Variants in MED1 observed in about 807,000 individuals in gnomAD.
MED1 encodes the protein mediator complex subunit 1, also known as mediator of RNA polymerase II transcription subunit 1.
Under a neutral mutation model 121.3 loss-of-function variants are expected in MED1, and 17 were observed. The observed-to-expected ratio is 0.14, with a 90% CI of 0.10 to 0.21. The LOEUF (loss-of-function observed/expected upper bound fraction) is 0.21, where lower values mean the gene tolerates loss of function less well. Ranked by LOEUF, MED1 falls within the 10% of genes least tolerant of loss-of-function variation. The pLI, the probability that MED1 is intolerant of heterozygous loss-of-function variation, is 1.00. For missense variants in MED1, 1,558 were observed against 1,919.4 expected, an observed-to-expected ratio of 0.81 and a Z score of 3.52; for synonymous variants, 661 against 694.4, an observed-to-expected ratio of 0.95 and a Z score of 0.76.
At chr17:39,423,220 G>T in intron 13 of MED1, 107 bp downstream of exon 13, 1 of 813,780 alleles carries the variant, frequency 1.2e-6, no homozygotes, top group Non-Finnish European at 2.1e-6. Flanking sequence ...ACATGATCCA[G>T]CAGTCTTGAA....
intron 9 of MED1, among the ~76,000 whole-genome samples, chr17:39,430,394 C>T (rs187870157): frequency 4.2e-4 from 63 of 151,252 alleles, no homozygotes; most frequent in African/African-American, 1.4e-3. Context: ...TAAACAAATA[C>T]ATAAGAATAA....
chr17:39,418,085 C>CAAAAAAAAAAAAAAAAAA (rs760116991), intron 14 of MED1, among the ~76,000 whole-genome samples: 1 of 55,648 alleles, frequency 1.8e-5, no homozygotes, highest in Non-Finnish European at 3.1e-5. Context: ...GACTCCGTCT[C>CAAAAAAAAAAAAAAAAAA]AAAAAAAAAA....
In MED1 at chr17:39,440,351, C is replaced by G; in HGVS notation, c.399+35G>C. On this transcript the variant is annotated intron_variant, in intron 5 of 16. Coordinates refer to ENST00000300651, the MANE Select transcript of MED1 (RefSeq NM_004774.4). The surrounding 1 kb of genome is among the most constrained non-coding windows in gnomAD (Gnocchi z 4.1). Reference sequence around the variant, plus strand: ...TTAAAATTAATGTCCCTAAGTAAACCCCACAGATTCCAGTGAAATATCAAC... The same window carrying G: ...TTAAAATTAATGTCCCTAAGTAAACGCCACAGATTCCAGTGAAATATCAAC... 1 of 1,528,544 alleles carries G rather than the reference C, an allele frequency of 6.5e-7. No individual in the cohort carries two copies. Among genetic ancestry groups the G allele is most frequent in the Non-Finnish European group, 8.7e-7 (1 of 1,145,938 alleles). The allele number at this position is 1,528,544 out of a possible 1,614,324, so 94.7% of individuals were successfully genotyped here.
At chr17:39,428,078 G>C (rs559649837) in intron 9 of MED1, among the ~76,000 whole-genome samples, 1 of 152,026 alleles carries the variant, frequency 6.6e-6, no homozygotes, top group Non-Finnish European at 1.5e-5. Context: ...GGCCGGGCGC[G>C]ATGGCTAATG....
Position 39,405,808 on chromosome 17 carries a change from C to G in MED1, c.*1667G>C. On this transcript the variant is annotated 3_prime_UTR_variant, in exon 17 of 17. Coordinates refer to ENST00000300651, the MANE Select transcript of MED1 (RefSeq NM_004774.4). ...GAAAGCCAAAGCTGATTTTCCAACT[C>G]TATGCTGACTCCAACCTGCAGAAAA... 1.0e-5 allele frequency: 10 copies of G among 986,226 alleles called. No individual in the cohort carries two copies. The South Asian group carries it at 4.7e-4, about 46-fold the overall frequency. 61.1% of individuals were successfully genotyped at this position (986,226 alleles called of 1,614,324 possible). A position where few individuals can be genotyped will look rare whatever the true frequency, so the allele number is the denominator to read the frequency against.
chr17:39,438,672 C>A (rs2048643301), intron 6 of MED1, among the ~76,000 whole-genome samples: 1 of 152,026 alleles, frequency 6.6e-6, no homozygotes, highest in African/African-American at 2.4e-5. Flanking sequence ...TGGGGTTTCA[C>A]CATCTTGGCC....
chr17:39,431,349 C>T (rs2048563782), intron 8 of MED1, 161 bp from the exon 9 acceptor site: 1 of 514,942 alleles, frequency 1.9e-6, no homozygotes, highest in African/African-American at 2.0e-5. Context: ...ACAATCTCAG[C>T]TCACCGCAAC....
intron 9 of MED1, among the ~76,000 whole-genome samples, chr17:39,430,144 G>C (rs1158525296): frequency 6.6e-6 from 1 of 152,018 alleles, no homozygotes; most frequent in African/African-American, 2.4e-5. Flanking sequence ...CAGCACTTTG[G>C]GCAGCCGAGG....
At position 39,410,140 on chromosome 17, in the gene MED1, C is replaced by T. The variant is rs2048342845; in HGVS notation, c.2081G>A (p.Arg694Lys). The change falls in exon 17 of 17, where the codon AGA becomes AAA. Residue 694 changes from arginine to lysine, a missense_variant. Around this residue, in one of 5 missense-constraint regions of MED1, gnomAD observed 793 missense variants for 898.2 expected, o/e 0.88. Coordinates refer to ENST00000300651, the MANE Select transcript of MED1 (RefSeq NM_004774.4). ...SNKTKKKKSS[R>K]LPPEKPKHQT... ...GTGCTTTGGTTTCTCAGGTGGTAATCTTGATGACTTCTTTTTCTTGGTCTT... is the reference window on the plus strand; with the variant it reads ...GTGCTTTGGTTTCTCAGGTGGTAATTTTGATGACTTCTTTTTCTTGGTCTT... 2 of 1,614,020 alleles carry T rather than the reference C, an allele frequency of 1.2e-6. No homozygotes were observed. Among genetic ancestry groups the T allele is most frequent in the Non-Finnish European group, 1.7e-6 (2 of 1,180,050 alleles).
In MED1 at chr17:39,407,520, C is replaced by T; in HGVS notation, c.4701G>A (p.Gly1567=). 1.2e-6 allele frequency: 2 copies of T among 1,612,930 alleles called. No homozygotes were observed. Among genetic ancestry groups the T allele is most frequent in the Non-Finnish European group, 1.7e-6 (2 of 1,179,434 alleles). The part of the protein sequence containing the change: ...PSRLSPDFMI[G]EEDDDLMDVA... ...CATCCATAAGATCATCATCTTCCTCCCCAATCATAAAGTCTGGGCTGAGCC... is the reference window on the plus strand; with the variant it reads ...CATCCATAAGATCATCATCTTCCTCTCCAATCATAAAGTCTGGGCTGAGCC... The change falls in exon 17 of 17, where the codon GGG becomes GGA. Residue 1567 remains glycine (G), a synonymous_variant. Transcript: ENST00000300651.
intron 5 of MED1, among the ~76,000 whole-genome samples, chr17:39,439,980 A>C (rs2048656837): frequency 7.3e-6 from 1 of 137,134 alleles, no homozygotes; most frequent in Admixed American, 7.5e-5. Context: ...GAAAGAAAGA[A>C]AGAAAGAAGG....
chr17:39,406,437 T>C lies in MED1; in HGVS notation c.*1038A>G, dbSNP rs1416160826. 2 of 985,402 alleles carry C rather than the reference T, an allele frequency of 2.0e-6. No homozygotes were observed. Among genetic ancestry groups the C allele is most frequent in the East Asian group, 2.3e-4 (2 of 8,816 alleles). The allele number at this position is 985,402 out of a possible 1,614,324, so 61.0% of individuals were successfully genotyped here. On this transcript the variant is annotated 3_prime_UTR_variant, in exon 17 of 17. Coordinates refer to ENST00000300651, the MANE Select transcript of MED1 (RefSeq NM_004774.4). Reference sequence around the variant, plus strand: ...TGCTGGGATGCAGACTTTTGGCACATTGTGGAAGTAGGAGAACTATTAATC... The same window carrying C: ...TGCTGGGATGCAGACTTTTGGCACACTGTGGAAGTAGGAGAACTATTAATC...
Position 39,431,973 on chromosome 17 carries a change from G to C in MED1, c.544C>G (p.Gln182Glu), listed in dbSNP as rs1470903274. The C allele has an allele frequency of 6.2e-7, 1 of 1,607,848 alleles. No individual in the cohort carries two copies. Residue 182 changes from glutamine to glutamate, a missense_variant, in exon 8 of 17, where the codon CAA becomes GAA. Around this residue, in one of 5 missense-constraint regions of MED1, gnomAD observed 443 missense variants for 532.4 expected, o/e 0.83. Transcript: ENST00000300651. ...ATAATTGCCATTTTAGAAAGATCTT[G>C]TTCTAAGGATTGGAGAGCCAAGTAC... Reference protein sequence around the residue: ...KMYLALQSLEQDLSKMAIMYW... With the variant: ...KMYLALQSLEEDLSKMAIMYW...
chr17:39,423,285 A>C (rs749123505), intron 13 of MED1, 42 bp downstream of exon 13: 1 of 1,437,570 alleles, frequency 7.0e-7, no homozygotes, highest in East Asian at 2.3e-5. Context: ...CTTGGGTCCA[A>C]ACATAACCTA....
At position 39,409,317 on chromosome 17, in the gene MED1, A is replaced by C; in HGVS notation, c.2904T>G (p.Thr968=). 1 of 1,613,738 alleles carries C rather than the reference A, an allele frequency of 6.2e-7. No individual in the cohort carries two copies. Among genetic ancestry groups the C allele is most frequent in the Non-Finnish European group, 8.5e-7 (1 of 1,179,926 alleles). Residue 968 remains threonine, a synonymous_variant, in exon 17 of 17, where the codon ACT becomes ACG. Coordinates refer to ENST00000300651, the MANE Select transcript of MED1 (RefSeq NM_004774.4). The stretch of plus-strand genomic sequence containing the variant: ...CATTGCCTTCCTTTACCCTCTTTTG[A>C]GTCTTTTCTTTCCCTAAGTCCCCAG... ...LTTGDLGKEK[T]QKRVKEGNGT... is the part of the protein sequence containing the mutation.
chr17:39,433,234 T>G (rs2048584326), intron 7 of MED1, among the ~76,000 whole-genome samples: 1 of 151,356 alleles, frequency 6.6e-6, no homozygotes, highest in Non-Finnish European at 1.5e-5. Context: ...CCGGGCGTGG[T>G]GGCGCATAGC....
At chr17:39,448,179 C>A (rs796764274) in intron 1 of MED1, among the ~76,000 whole-genome samples, 45 of 149,122 alleles carry the variant, frequency 3.0e-4, no homozygotes, top group African/African-American at 1.1e-3. Flanking sequence ...TCTTGATGAC[C>A]AGGCTGGAGT....
At chr17:39,422,463 A>AGCCT (rs2144736478) in intron 13 of MED1, among the ~76,000 whole-genome samples, 1 of 132,754 alleles carries the variant, frequency 7.5e-6, no homozygotes, top group East Asian at 2.3e-4. Context: ...CACCACGCCC[A>AGCCT]GCCTCGTTTT....
chr17:39,414,906 G>A (rs2144724318), intron 16 of MED1, 120 bp downstream of exon 16: 6 of 809,192 alleles, frequency 7.4e-6, no homozygotes, highest in Non-Finnish European at 1.3e-5. Context: ...CTGACCTCGT[G>A]ATCCGCCTGC....
Sources: allele counts gnomAD v4.1 joint callset (sites outside exome capture counted in the v4.1 genomes callset), GRCh38; gene constraint gnomAD v4.1.1; regional missense constraint gnomAD v4.1.1; non-coding constraint Gnocchi (gnomAD v3.1); transcripts MANE v1.5; gene names NCBI Gene and HGNC (gene_info 2026-07-23, HGNC 2026-07-21).